ANK3: variants seen among roughly 807,000 people sequenced by gnomAD.
ANK3 encodes ankyrin 3.
In ANK3, 57 loss-of-function variants were observed where a neutral mutation model predicts 370.9. The ratio of observed to expected loss-of-function variants is 0.15; its 90% CI spans 0.12 to 0.19. The LOEUF (loss-of-function observed/expected upper bound fraction) is 0.19, where lower values mean the gene tolerates loss of function less well. Ranked by LOEUF, ANK3 falls within the 10% of genes least tolerant of loss-of-function variation. ANK3 has a pLI of 1.00. For synonymous variants in ANK3, 1,929 were observed against 1,946.3 expected, an observed-to-expected ratio of 0.99 and a Z score of 0.23; for missense variants, 4,439 against 5,302.1, an observed-to-expected ratio of 0.84 and a Z score of 5.06.
intron 2 of ANK3, among the ~76,000 whole-genome samples, chr10:60,565,005 C>T (rs1449123920): frequency 6.6e-6 from 1 of 152,040 alleles, no homozygotes; most frequent in African/African-American, 2.4e-5. Flanking sequence ...AAATGAAGCA[C>T]TCAAGGGACC....
At chr10:60,706,696 C>A (rs1427915318) in intron 1 of ANK3, among the ~76,000 whole-genome samples, 1 of 152,016 alleles carries the variant, frequency 6.6e-6, no homozygotes, top group Non-Finnish European at 1.5e-5. Context: ...TGTAATAAAG[C>A]TTTACATGTT....
At position 60,072,915 on chromosome 10, in the gene ANK3, C is replaced by T. The variant is rs760624949; in HGVS notation, c.7966G>A (p.Gly2656Arg). The change falls in exon 37 of 44, where the codon GGA (glycine) becomes AGA (arginine). Residue 2656 changes from glycine to arginine, a missense_variant. Gly to Arg is a moderately radical substitution (Grantham distance 125, BLOSUM62 -2). Transcript: ENST00000280772. ...TCCTCGGCCTTGGGGAAGCCTTGTC[C>T]ATCAGGGCCATGCTGTCTTGCCTTA... The part of the protein sequence containing the change: ...WVKARQHGPD[G>R]QGFPKAEEKA... The T allele has an allele frequency of 6.2e-7, 1 of 1,614,028 alleles. No individual in the cohort carries two copies. Among genetic ancestry groups the T allele is most frequent in the Admixed American group, 1.7e-5 (1 of 59,982 alleles).
chr10:60,053,738 A>C (rs2078563962), intron 42 of ANK3: 1 of 1,303,762 alleles, frequency 7.7e-7, no homozygotes, highest in African/African-American at 1.5e-5. Context: ...CTGATTTTTT[A>C]GGGGATAAAA....
chr10:60,302,056 G>C (rs1257609442), intron 1 of ANK3, among the ~76,000 whole-genome samples: 1 of 152,114 alleles, frequency 6.6e-6, no homozygotes, highest in Non-Finnish European at 1.5e-5. Context: ...CTAGGTACTG[G>C]GGTACAGTGG....
At chr10:60,191,006 T>C (rs1054174399) in intron 16 of ANK3, among the ~76,000 whole-genome samples, 2 of 152,080 alleles carry the variant, frequency 1.3e-5, no homozygotes, top group African/African-American at 4.8e-5. Flanking sequence ...ATTCAATAAA[T>C]GGTGCTAGGA....
At chr10:60,514,381 G>C (rs2076164992) in intron 2 of ANK3, among the ~76,000 whole-genome samples, 1 of 152,116 alleles carries the variant, frequency 6.6e-6, no homozygotes, top group African/African-American at 2.4e-5. Flanking sequence ...GTAATAGCCA[G>C]TAAAGTTTAG....
intron 1 of ANK3, among the ~76,000 whole-genome samples, chr10:60,327,106 C>T (rs929431292): frequency 1.3e-5 from 2 of 151,864 alleles, no homozygotes; most frequent in East Asian, 1.9e-4. Context: ...CTTTCCTAAA[C>T]ATTCGGTGGG....
chr10:60,200,295 A>G, intron 12 of ANK3, 68 bp from the exon 13 acceptor site: 1 of 1,252,492 alleles, frequency 8.0e-7, no homozygotes, highest in Non-Finnish European at 1.2e-6. Context: ...TATTTGGCAT[A>G]AAGCTTATGA....
intron 1 of ANK3, among the ~76,000 whole-genome samples, chr10:60,641,072 A>G (rs1588958323): frequency 6.6e-6 from 1 of 151,012 alleles, no homozygotes; most frequent in East Asian, 1.9e-4. Flanking sequence ...TCAACTTACA[A>G]GGGATGTGAA....
intron 23 of ANK3, chr10:60,145,876 G>C: frequency 1.5e-6 from 1 of 686,524 alleles, no homozygotes; most frequent in Non-Finnish European, 2.6e-6. Context: ...GCACATAGTA[G>C]GTGCTCAATA....
chr10:60,210,453 C>T (rs1591784709), intron 9 of ANK3, among the ~76,000 whole-genome samples: 1 of 151,582 alleles, frequency 6.6e-6, no homozygotes, highest in South Asian at 2.1e-4. Flanking sequence ...AGAACAAAGG[C>T]GTATTCTAGG....
At chr10:60,218,097 C>CTTTTTTT (rs199989242) in intron 8 of ANK3, among the ~76,000 whole-genome samples, 7 of 126,144 alleles carry the variant, frequency 5.5e-5, no homozygotes, top group African/African-American at 9.6e-5. Flanking sequence ...CTTTTTCTTT[C>CTTTTTTT]TTTTTTTTTT....
At chr10:60,693,886 A>C (rs1331243948) in intron 1 of ANK3, among the ~76,000 whole-genome samples, 3 of 152,194 alleles carry the variant, frequency 2.0e-5, no homozygotes, top group Non-Finnish European at 4.4e-5. Context: ...GCAATGGAAC[A>C]AAGCTGGATG....
chr10:60,304,682 A>G (rs2044603747), intron 1 of ANK3, among the ~76,000 whole-genome samples: 2 of 152,170 alleles, frequency 1.3e-5, no homozygotes, highest in South Asian at 4.1e-4. Context: ...TTAAATATAT[A>G]CAATTTTTGT....
At chr10:60,567,555 T>C (rs1381862000) in intron 2 of ANK3, among the ~76,000 whole-genome samples, 2 of 152,180 alleles carry the variant, frequency 1.3e-5, no homozygotes, top group Non-Finnish European at 2.9e-5. Context: ...CTAATGTTGT[T>C]TTCAGGCCTG....
At chr10:60,105,395 T>C (rs2092027790) in intron 28 of ANK3, among the ~76,000 whole-genome samples, 2 of 152,132 alleles carry the variant, frequency 1.3e-5, no homozygotes, top group South Asian at 2.1e-4. Context: ...GAATGAGACA[T>C]TGAAACAACA....
At chr10:60,576,728 G>A in intron 2 of ANK3, among the ~76,000 whole-genome samples, 1 of 152,200 alleles carries the variant, frequency 6.6e-6, no homozygotes, top group East Asian at 1.9e-4. Context: ...TTGTAAAAGT[G>A]AAAGACAAAT....
chr10:60,461,889 C>A (rs1401637076), intron 2 of ANK3, among the ~76,000 whole-genome samples: 1 of 152,130 alleles, frequency 6.6e-6, no homozygotes, highest in Non-Finnish European at 1.5e-5. Context: ...TGGATACCTC[C>A]CTGCCACAAG....
intron 1 of ANK3, among the ~76,000 whole-genome samples, chr10:60,362,456 T>TA (rs1272806046): frequency 2.2e-4 from 33 of 152,334 alleles, no homozygotes; most frequent in African/African-American, 6.7e-4. Flanking sequence ...ACTAAATGGC[T>TA]ATCACTATTT....
Sources: allele counts gnomAD v4.1 joint callset (sites outside exome capture counted in the v4.1 genomes callset), GRCh38; gene constraint gnomAD v4.1.1; transcripts MANE v1.5; gene names NCBI Gene and HGNC (gene_info 2026-07-23, HGNC 2026-07-21).